The following JMJD1C variants were observed in gnomAD, a reference collection of about 807,000 sequenced individuals.
The protein encoded by JMJD1C is jumonji domain-containing protein 1C.
Under a neutral mutation model 245.3 loss-of-function variants are expected in JMJD1C, and 31 were observed. The ratio of observed to expected loss-of-function variants is 0.13; its 90% CI spans 0.09 to 0.17. The LOEUF is 0.17. JMJD1C is among the 10% of genes least tolerant of loss of function. The pLI is 1.00. For missense variants in JMJD1C, 2,691 were observed against 3,000.2 expected (o/e 0.90, Z 2.41); for synonymous variants, 1,057 against 1,017.4 (o/e 1.04, Z -0.74).
intron 2 of JMJD1C, among the ~76,000 whole-genome samples, chr10:63,309,224 G>A (rs768722871): frequency 1.2e-4 from 19 of 152,028 alleles, no homozygotes; most frequent in Admixed American, 7.9e-4. Flanking sequence ...TGGGCACGGG[G>A]GCTCATGCCT....
intron 2 of JMJD1C, among the ~76,000 whole-genome samples, chr10:63,279,069 G>C (rs1421652593): frequency 6.6e-6 from 1 of 151,940 alleles, no homozygotes; most frequent in East Asian, 1.9e-4. Context: ...GGCCAACATG[G>C]TGAAACCTCA....
intron 2 of JMJD1C, among the ~76,000 whole-genome samples, chr10:63,368,435 A>T (rs1946032836): frequency 6.6e-6 from 1 of 152,210 alleles, no homozygotes; most frequent in African/African-American, 2.4e-5. Flanking sequence ...GAACTGAGAC[A>T]AGGTAAGTAG....
chr10:63,388,550 C>T (rs1947805522), intron 1 of JMJD1C, among the ~76,000 whole-genome samples: 1 of 151,996 alleles, frequency 6.6e-6, no homozygotes, highest in African/African-American at 2.4e-5. Flanking sequence ...ATATAAACCC[C>T]AGTGGTAGAG....
intron 1 of JMJD1C, among the ~76,000 whole-genome samples, chr10:63,490,417 A>ATTTTTTT (rs113478578): frequency 8.4e-6 from 1 of 118,526 alleles, no homozygotes; most frequent in Non-Finnish European, 1.7e-5. Flanking sequence ...TTATTTATTT[A>ATTTTTTT]TTTTATTTTT....
chr10:63,301,014 A>G (rs1163435115), intron 2 of JMJD1C, among the ~76,000 whole-genome samples: 1 of 152,190 alleles, frequency 6.6e-6, no homozygotes, highest in Non-Finnish European at 1.5e-5. Context: ...CAATAAAAGA[A>G]AATGCATGAG....
intron 1 of JMJD1C, among the ~76,000 whole-genome samples, chr10:63,517,322 G>A (rs1955051290): frequency 6.6e-6 from 1 of 152,052 alleles, no homozygotes; most frequent in South Asian, 2.1e-4. Flanking sequence ...TATCTCCTAG[G>A]AAAACTAATA....
chr10:63,302,792 A>C (rs886613466), intron 2 of JMJD1C, among the ~76,000 whole-genome samples: 4 of 152,230 alleles, frequency 2.6e-5, no homozygotes, highest in Admixed American at 2.6e-4. Context: ...GGAATTAGCC[A>C]AAATTATGGC....
At chr10:63,365,722 T>A (rs1049715247) in intron 2 of JMJD1C, among the ~76,000 whole-genome samples, 4 of 152,242 alleles carry the variant, frequency 2.6e-5, no homozygotes, top group African/African-American at 9.6e-5. Flanking sequence ...TCCCAGACCT[T>A]TCTTTTCTTA....
intron 2 of JMJD1C, among the ~76,000 whole-genome samples, chr10:63,320,822 C>G (rs1940759965): frequency 6.6e-6 from 1 of 152,018 alleles, no homozygotes; most frequent in Admixed American, 6.6e-5. Context: ...TGACAGAAGA[C>G]TCTTTTGTTC....
At chr10:63,493,337 C>T (rs762011911) in intron 1 of JMJD1C, among the ~76,000 whole-genome samples, 10 of 124,422 alleles carry the variant, frequency 8.0e-5, no homozygotes, top group Non-Finnish European at 1.1e-4. Context: ...TCTAGGCTCA[C>T]TGAAACCTCC....
At chr10:63,244,622 A>G (rs1851928911) in intron 3 of JMJD1C, among the ~76,000 whole-genome samples, 1 of 152,286 alleles carries the variant, frequency 6.6e-6, no homozygotes, top group South Asian at 2.1e-4. Flanking sequence ...GAAAAATTCA[A>G]AACAGCTGTT....
In JMJD1C at chr10:63,214,018, G is replaced by T; in HGVS notation, c.2149C>A (p.Pro717Thr). Residue 717 changes from proline (P) to threonine (T), a missense_variant, in exon 8 of 26, where the codon CCT (proline) becomes ACT (threonine). This residue lies in a region of JMJD1C where 1,562 missense variants were observed against 1,490.7 expected (regional missense o/e 1.05). Transcript: ENST00000399262. The part of the protein sequence containing the change: ...KNEHFTVYRD[P>T]ALIGSETGAN... ...CCTGTTTCTGACCCAATAAGTGCAG[G>T]ATCTCTGTAAACTGTAAAATGCTCA... is the stretch of plus-strand genomic sequence containing the variant. 1.2e-6 allele frequency: 2 copies of T among 1,614,176 alleles called. No individual in the cohort carries two copies. The highest frequency in any genetic ancestry group is 1.7e-6 in the Non-Finnish European group (2 of 1,180,012).
At chr10:63,282,811 G>C (rs1857557426) in intron 2 of JMJD1C, among the ~76,000 whole-genome samples, 1 of 152,136 alleles carries the variant, frequency 6.6e-6, no homozygotes. Flanking sequence ...CCGCCTCCCG[G>C]GTTCAAGTGA....
intron 2 of JMJD1C, among the ~76,000 whole-genome samples, chr10:63,274,244 C>A (rs898524975): frequency 6.6e-6 from 1 of 152,166 alleles, no homozygotes. Flanking sequence ...GTAACTCCTA[C>A]ATCATTGTAA....
chr10:63,363,420 G>A (rs1316756953), intron 2 of JMJD1C, among the ~76,000 whole-genome samples: 7 of 151,922 alleles, frequency 4.6e-5, no homozygotes, highest in Non-Finnish European at 5.9e-5. Context: ...CGCCATGCCT[G>A]GCTAATTTTT....
intron 3 of JMJD1C, among the ~76,000 whole-genome samples, chr10:63,227,830 T>C (rs910314527): frequency 4.6e-5 from 7 of 152,230 alleles, no homozygotes; most frequent in African/African-American, 1.7e-4. Context: ...CTACAAATAG[T>C]TGCTTGTTCT....
chr10:63,433,096 ATT>A (rs57311354), intron 1 of JMJD1C, among the ~76,000 whole-genome samples: 1 of 146,046 alleles, frequency 6.8e-6, no homozygotes, highest in African/African-American at 2.5e-5. Context: ...TATTATTATC[ATT>A]TTTTTTTTTT....
chr10:63,516,034 T>C (rs921767104), intron 1 of JMJD1C, among the ~76,000 whole-genome samples: 2 of 152,090 alleles, frequency 1.3e-5, no homozygotes, highest in African/African-American at 2.4e-5. Flanking sequence ...CCTTTATCTA[T>C]TTTTTTGTAC....
At chr10:63,305,842 CCCT>C (rs1479171553) in intron 2 of JMJD1C, among the ~76,000 whole-genome samples, 1 of 151,954 alleles carries the variant, frequency 6.6e-6, no homozygotes, top group Admixed American at 6.6e-5. Flanking sequence ...AAGTGATTCT[CCCT>C]CCTCAGCCTT....
Sources: gnomAD v4.1 joint callset for allele counts (sites outside exome capture counted in the v4.1 genomes callset) on GRCh38, gnomAD v4.1.1 for gene constraint, gnomAD v4.1.1 regional missense constraint, MANE v1.5 for transcripts, NCBI Gene and HGNC (gene_info 2026-07-23, HGNC 2026-07-21) for gene names.